CPED1: variants seen among roughly 807,000 people sequenced by gnomAD.
CPED1 encodes the protein cadherin like and PC-esterase domain containing 1, also known as cadherin-like and PC-esterase domain-containing protein 1.
In CPED1, 114 loss-of-function variants were observed where a neutral mutation model predicts 128.2. The ratio of observed to expected loss-of-function variants is 0.89; its 90% CI spans 0.76 to 1.04. The LOEUF is 1.04. CPED1 is among the 50% of genes least tolerant of loss of function. The pLI, the probability that CPED1 is intolerant of heterozygous loss-of-function variation, is 0.00. For synonymous variants in CPED1, 462 were observed against 426.7 expected, an observed-to-expected ratio of 1.08 and a Z score of -1.02; for missense variants, 1,211 against 1,207.1, an observed-to-expected ratio of 1.00 and a Z score of -0.05.
At chr7:121,118,096 G>A (rs896363096) in intron 7 of CPED1, among the ~76,000 whole-genome samples, 1 of 152,038 alleles carries the variant, frequency 6.6e-6, no homozygotes, top group Non-Finnish European at 1.5e-5. Flanking sequence ...TACCTTGGAG[G>A]GAGTTGAAAG....
chr7:121,034,247 C>CT (rs3067998), intron 3 of CPED1, among the ~76,000 whole-genome samples: 58,983 of 113,702 alleles, frequency 0.52, 16,898 homozygotes, highest in South Asian at 0.67. Context: ...GTTTTTTTTT[C>CT]TTTTTTTTTT....
chr7:121,173,002 A>C (rs768635074), intron 16 of CPED1, among the ~76,000 whole-genome samples: 1 of 152,146 alleles, frequency 6.6e-6, no homozygotes, highest in African/African-American at 2.4e-5. Context: ...GTGTGTATAC[A>C]TATTTGAATT....
intron 7 of CPED1, among the ~76,000 whole-genome samples, chr7:121,105,433 G>T (rs1794951548): frequency 1.3e-5 from 2 of 152,064 alleles, no homozygotes; most frequent in South Asian, 4.1e-4. Flanking sequence ...AAAACTGCAG[G>T]CTACGAAGCA....
At chr7:121,047,728 TGAGACGTAA>T (rs1793251267) in intron 4 of CPED1, among the ~76,000 whole-genome samples, 1 of 134,018 alleles carries the variant, frequency 7.5e-6, no homozygotes, top group African/African-American at 3.0e-5. Context: ...TTTTTTTTTT[TGAGACGTAA>T]TCTTGCTCCA....
intron 3 of CPED1, among the ~76,000 whole-genome samples, chr7:121,031,754 T>C (rs1283380609): frequency 6.6e-6 from 1 of 152,208 alleles, no homozygotes; most frequent in African/African-American, 2.4e-5. Context: ...TTAATAAAAA[T>C]TTTGATTTTC....
At chr7:121,125,575 C>T (rs1795482915) in intron 8 of CPED1, among the ~76,000 whole-genome samples, 1 of 151,960 alleles carries the variant, frequency 6.6e-6, no homozygotes, top group Admixed American at 6.6e-5. Context: ...GTTTTCTGTT[C>T]CTGGGTTAGT....
chr7:121,226,827 A>G (rs533105101), intron 16 of CPED1, among the ~76,000 whole-genome samples: 3 of 152,130 alleles, frequency 2.0e-5, no homozygotes, highest in Non-Finnish European at 4.4e-5. Context: ...AGCTAATTCT[A>G]TAAATGTTTA....
chr7:121,234,351 A>T (rs1411097274), intron 16 of CPED1, among the ~76,000 whole-genome samples: 1 of 152,086 alleles, frequency 6.6e-6, no homozygotes, highest in Non-Finnish European at 1.5e-5. Flanking sequence ...CATTATTTGC[A>T]TGGGTATATA....
chr7:121,069,613 C>T (rs1793939181), intron 5 of CPED1, among the ~76,000 whole-genome samples: 1 of 152,100 alleles, frequency 6.6e-6, no homozygotes, highest in Admixed American at 6.6e-5. Context: ...GAAGGGCACA[C>T]ATCCACGGAA....
At chr7:121,182,200 CT>C (rs3068074) in intron 16 of CPED1, among the ~76,000 whole-genome samples, 19 of 140,032 alleles carry the variant, frequency 1.4e-4, no homozygotes, top group Admixed American at 1.4e-4. Context: ...TCGATGAGAG[CT>C]TTTTTTTTTT....
intron 2 of CPED1, among the ~76,000 whole-genome samples, chr7:120,991,337 G>C (rs893013152): frequency 6.6e-6 from 1 of 152,168 alleles, no homozygotes; most frequent in Non-Finnish European, 1.5e-5. Flanking sequence ...TAAAGTTATT[G>C]AAGAATGTGT....
intron 4 of CPED1, among the ~76,000 whole-genome samples, chr7:121,048,066 CCT>C (rs976746633): frequency 1.3e-5 from 2 of 152,232 alleles, no homozygotes; most frequent in African/African-American, 4.8e-5. Context: ...GGCCATTCCT[CCT>C]CTGTTTTCTT....
At chr7:121,257,549 ACAGT>A (rs1791914212) in intron 18 of CPED1, among the ~76,000 whole-genome samples, 1 of 152,020 alleles carries the variant, frequency 6.6e-6, no homozygotes, top group Non-Finnish European at 1.5e-5. Context: ...TTAGCCAAAA[ACAGT>A]CAGGTGTATA....
chr7:121,000,625 G>A (rs564769092), intron 2 of CPED1, among the ~76,000 whole-genome samples: 22 of 152,164 alleles, frequency 1.4e-4, no homozygotes, highest in African/African-American at 4.8e-4. Context: ...AACCCCTACC[G>A]TTCATTTATA....
At chr7:121,112,937 G>A (rs746408075) in intron 7 of CPED1, among the ~76,000 whole-genome samples, 6 of 152,118 alleles carry the variant, frequency 3.9e-5, no homozygotes, top group African/African-American at 1.2e-4. Flanking sequence ...TAAATTGGGG[G>A]CAAGGGAAAA....
intron 22 of CPED1, among the ~76,000 whole-genome samples, chr7:121,284,963 C>A (rs1394295958): frequency 3.9e-5 from 6 of 152,328 alleles, no homozygotes; most frequent in African/African-American, 1.2e-4. Context: ...CCCCACATTT[C>A]CCTTCTGCAC....
At chr7:121,071,905 A>G (rs115830456) in intron 5 of CPED1, among the ~76,000 whole-genome samples, 1,702 of 152,028 alleles carry the variant, frequency 0.011, 34 homozygotes, top group African/African-American at 0.039. Context: ...ATCACCCACA[A>G]CTGTCTCTGG....
At chr7:121,098,548 A>G (rs1442186708) in intron 6 of CPED1, among the ~76,000 whole-genome samples, 1 of 151,556 alleles carries the variant, frequency 6.6e-6, no homozygotes, top group African/African-American at 2.4e-5. Context: ...CCTGAGCAAC[A>G]TAGTGAGAAT....
intron 8 of CPED1, among the ~76,000 whole-genome samples, chr7:121,124,724 A>G (rs1795464309): frequency 6.6e-6 from 1 of 152,164 alleles, no homozygotes; most frequent in Non-Finnish European, 1.5e-5. Context: ...TTTCAAAGTT[A>G]ATCTTTTAAT....
Sources: allele counts gnomAD v4.1 joint callset (sites outside exome capture counted in the v4.1 genomes callset), GRCh38; gene constraint gnomAD v4.1.1; transcripts MANE v1.5; gene names NCBI Gene and HGNC (gene_info 2026-07-23, HGNC 2026-07-21).